Variants in TMEM184B observed in about 807,000 individuals in gnomAD.
The protein encoded by TMEM184B is transmembrane protein 184B, also known as putative MAPK-activating protein FM08.
Under a neutral mutation model 41.8 loss-of-function variants are expected in TMEM184B, and 17 were observed. The observed-to-expected ratio is 0.41, with a 90% confidence interval of 0.28 to 0.61. The LOEUF is 0.61. Ranked by LOEUF, TMEM184B falls within the 20% of genes least tolerant of loss-of-function variation. TMEM184B has a pLI of 0.34. For missense variants in TMEM184B, 393 were observed against 557.8 expected (o/e 0.70, Z 2.98); for synonymous variants, 240 against 229.5 (o/e 1.05, Z -0.41).
intron 5 of TMEM184B, among the ~76,000 whole-genome samples, chr22:38,229,663 A>G (rs2091556238): frequency 7.6e-6 from 1 of 131,710 alleles, no homozygotes; most frequent in Non-Finnish European, 1.6e-5. Flanking sequence ...AGGAAGCTAG[A>G]GTGGCTGGAT....
In TMEM184B at chr22:38,242,296, C is replaced by T. The variant is rs914885030; in HGVS notation, c.358+3639G>A. Among the ~76,000 whole-genome samples the T allele has an allele frequency of 2.9e-4, 44 of 149,760 alleles. No individual in the cohort carries two copies. The East Asian group carries it at 6.9e-3, about 23-fold the overall frequency. ...CAGCCTAGGCAACACGGTGAAACCC[C>T]GTCTCTACTAAAATACAAAAAAAAA... On this transcript the variant is annotated intron_variant, in intron 3 of 8. Coordinates refer to ENST00000361906, the MANE Select transcript of TMEM184B (RefSeq NM_012264.5).
At chr22:38,262,498 G>A (rs949063465) in intron 1 of TMEM184B, among the ~76,000 whole-genome samples, 7 of 152,222 alleles carry the variant, frequency 4.6e-5, no homozygotes, top group Non-Finnish European at 8.8e-5. Context: ...GACAGAGGAA[G>A]GGGTGACAGG....
At chr22:38,227,478 C>T (rs1018305072) in intron 5 of TMEM184B, among the ~76,000 whole-genome samples, 4 of 152,126 alleles carry the variant, frequency 2.6e-5, no homozygotes, top group African/African-American at 7.2e-5. Flanking sequence ...GGGAAGCCGG[C>T]GCAGGTGAGG....
intron 2 of TMEM184B, chr22:38,247,020 G>T: frequency 2.4e-6 from 1 of 422,288 alleles, no homozygotes; most frequent in Non-Finnish European, 4.2e-6. Context: ...GACTCACCCT[G>T]CCCCTCTCCA....
At chr22:38,268,317 G>C in intron 1 of TMEM184B, among the ~76,000 whole-genome samples, 1 of 151,298 alleles carries the variant, frequency 6.6e-6, no homozygotes, top group East Asian at 1.9e-4. Flanking sequence ...GGAGGTTGCA[G>C]TGAGCCGAGA....
chr22:38,233,183 G>A (rs899997232), intron 3 of TMEM184B, among the ~76,000 whole-genome samples: 2 of 152,262 alleles, frequency 1.3e-5, no homozygotes, highest in African/African-American at 2.4e-5. Context: ...TGCTACTCAC[G>A]GTTGCCCTAA....
At chr22:38,233,341 C>G (rs2091685009) in intron 3 of TMEM184B, among the ~76,000 whole-genome samples, 1 of 152,182 alleles carries the variant, frequency 6.6e-6, no homozygotes, top group African/African-American at 2.4e-5. Flanking sequence ...TCAGTTTCCT[C>G]ATCTATCAAA....
In TMEM184B at chr22:38,239,118, C is replaced by A. The variant is rs2091849435; in HGVS notation, c.358+6817G>T. ...CAGAGTTGTCTTTATGGCCCACCCCCAACCCCACAATCAAACACTGAATGC... is the reference window on the plus strand; with the variant it reads ...CAGAGTTGTCTTTATGGCCCACCCCAAACCCCACAATCAAACACTGAATGC... On this transcript the variant is annotated intron_variant, in intron 3 of 8. Coordinates refer to ENST00000361906, the MANE Select transcript of TMEM184B (RefSeq NM_012264.5). The surrounding 1 kb of genome is among the most constrained non-coding windows in gnomAD (Gnocchi z 4.6). 6.6e-6 allele frequency among the ~76,000 whole-genome samples: 1 copy of A among 152,208 alleles called. No individual in the cohort carries two copies. The highest frequency in any genetic ancestry group is 2.4e-5 in the African/African-American group (1 of 41,444).
In TMEM184B at chr22:38,245,414, C is replaced by G. The variant is rs2092002282; in HGVS notation, c.358+521G>C. On this transcript the variant is annotated intron_variant, in intron 3 of 8. Transcript: ENST00000361906. ...GACGCCAGCATTGAGAAGCGAGACC[C>G]AGGGGGAGGGCCCTTGCTTCCAGGT... Among the ~76,000 whole-genome samples the G allele has an allele frequency of 2.1e-5, 3 of 143,826 alleles. No individual in the cohort carries two copies. The South Asian group carries it at 6.6e-4, about 32-fold the overall frequency. 94.4% of individuals were successfully genotyped at this position (143,826 alleles called of 152,430 possible). A position where few individuals can be genotyped will look rare whatever the true frequency, so the allele number is the denominator to read the frequency against.
In TMEM184B at chr22:38,266,214, G is replaced by A. The variant is rs537504387; in HGVS notation, c.-59+6670C>T. Among the ~76,000 whole-genome samples, 245 of 152,342 alleles carry A rather than the reference G, an allele frequency of 1.6e-3. 1 individual carries two copies. The highest frequency in any genetic ancestry group is 5.5e-3 in the African/African-American group (230 of 41,572). On this transcript the variant is annotated intron_variant, in intron 1 of 8. Coordinates refer to ENST00000361906, the MANE Select transcript of TMEM184B (RefSeq NM_012264.5). Reference sequence around the variant, plus strand: ...AGAGAGGAGGCTGGAGTCTTCAGGAGATCACCAAGCATTTTAAGTTGGAAA... The same window carrying A: ...AGAGAGGAGGCTGGAGTCTTCAGGAAATCACCAAGCATTTTAAGTTGGAAA...
intron 3 of TMEM184B, among the ~76,000 whole-genome samples, chr22:38,237,094 C>G (rs949122162): frequency 1.3e-5 from 2 of 152,168 alleles, no homozygotes; most frequent in African/African-American, 4.8e-5. Context: ...TGCTCCCCAC[C>G]CAGCCTCTCA....
rs2091777445 is a variant in TMEM184B, at chr22:38,236,516, C to G, written c.359-5182G>C. On this transcript the variant is annotated intron_variant, in intron 3 of 8. Coordinates refer to ENST00000361906, the MANE Select transcript of TMEM184B (RefSeq NM_012264.5). The stretch of plus-strand genomic sequence containing the variant: ...TTTTTTTTCTTGATGCAGGATCTCA[C>G]TCTGTTGCCCAGGCTGGAGCACACA... Among the ~76,000 whole-genome samples the G allele has an allele frequency of 2.6e-5, 4 of 151,980 alleles. No individual in the cohort carries two copies. In the South Asian group the frequency reaches 8.3e-4, roughly 32 times the overall value.
In TMEM184B at chr22:38,221,331, TGTG is replaced by T. The variant is rs2091253190; in HGVS notation, c.*135_*137del. 6.9e-7 allele frequency: 1 copy of T among 1,447,410 alleles called. No homozygotes were observed. Among genetic ancestry groups the T allele is most frequent in the African/African-American group, 1.4e-5 (1 of 70,294 alleles). The allele number at this position is 1,447,410 out of a possible 1,614,324, so 89.7% of individuals were successfully genotyped here. On this transcript the variant is annotated 3_prime_UTR_variant, in exon 9 of 9. Transcript: ENST00000361906. ...GTCCCCCGTTCCTCTGGAAGTGACA[TGTG>T]AGTGTTTCTGGTCCAATAAATAAAG...
Position 38,246,065 on chromosome 22 carries a change from G to A in TMEM184B, c.228C>T (p.Asn76=), listed in dbSNP as rs372497524. ...GGATGCGCACGATGTAGCGCTGCTC[G>A]TTGGGGCAGCTGTAGCAGCGCAGGT... is the stretch of plus-strand genomic sequence containing the variant. The part of the protein sequence containing the change: ...YMHLRCYSCP[N]EQRYIVRILF... Residue 76 remains asparagine, a synonymous_variant, in exon 3 of 9, where the codon AAC becomes AAT. Transcript: ENST00000361906. The A allele has an allele frequency of 1.4e-5, 23 of 1,612,808 alleles. No homozygotes were observed. The South Asian group carries it at 1.5e-4, about 11-fold the overall frequency.
At position 38,220,873 on chromosome 22, in the gene TMEM184B, C is replaced by T. The variant is rs1273472136; in HGVS notation, c.*596G>A. The T allele has an allele frequency of 3.0e-6, 3 of 986,006 alleles. No homozygotes were observed. The highest frequency in any genetic ancestry group is 3.6e-6 in the Non-Finnish European group (3 of 830,132). 61.1% of individuals were successfully genotyped at this position (986,006 alleles called of 1,614,324 possible). A position where few individuals can be genotyped will look rare whatever the true frequency, so the allele number is the denominator to read the frequency against. On this transcript the variant is annotated 3_prime_UTR_variant, in exon 9 of 9. Coordinates refer to ENST00000361906, the MANE Select transcript of TMEM184B (RefSeq NM_012264.5). ...CCCTGAATGCCCTTCCTGGGTGGGG[C>T]CTGTGACTCCTGGTGTCTGGCTCTG...
rs78690286 is a variant in TMEM184B at position 38,235,389 on chromosome 22, G to C, written c.359-4055C>G. Among the ~76,000 whole-genome samples the C allele has an allele frequency of 3.2e-3, 480 of 152,328 alleles. 2 individuals are homozygous for C. The highest frequency in any genetic ancestry group is 0.011 in the African/African-American group (461 of 41,578). ...CAAGAAAGGCTTGGCATCTGGGCTC[G>C]TGTCCTTTCCTGCATCAAAACACAT... is the stretch of plus-strand genomic sequence containing the variant. On this transcript the variant is annotated intron_variant, in intron 3 of 8. Transcript: ENST00000361906.
intron 1 of TMEM184B, among the ~76,000 whole-genome samples, chr22:38,253,096 C>T (rs1292478365): frequency 6.6e-6 from 1 of 152,014 alleles, no homozygotes; most frequent in African/African-American, 2.4e-5. Flanking sequence ...GAGCCGAGAT[C>T]GCGCCACTGC....
At chr22:38,268,764 G>A (rs1296487328) in intron 1 of TMEM184B, among the ~76,000 whole-genome samples, 1 of 152,210 alleles carries the variant, frequency 6.6e-6, no homozygotes, top group Admixed American at 6.5e-5. Context: ...AGGCGACAAT[G>A]GCCTAAGGTT....
Position 38,226,832 on chromosome 22 carries a change from C to T in TMEM184B, c.564G>A (p.Ala188=), listed in dbSNP as rs200762274. The T allele has an allele frequency of 9.7e-5, 156 of 1,604,970 alleles. 1 individual carries two copies. The highest frequency in any genetic ancestry group is 1.6e-4 in the Middle Eastern group (1 of 6,070). Residue 188 remains alanine, a synonymous_variant, in exon 6 of 9, where the codon GCG becomes GCA. Transcript: ENST00000361906. The surrounding 1 kb of genome is among the most constrained non-coding windows in gnomAD (Gnocchi z 4.6). ...LQFCVVKPLM[A]VSTVVLQAFG... The stretch of plus-strand genomic sequence containing the variant: ...AGGCCTGGAGGACCACAGTGCTGAC[C>T]GCCATGAGTGGCTTCACCACACAGA...
Sources: allele counts gnomAD v4.1 joint callset (sites outside exome capture counted in the v4.1 genomes callset), GRCh38; gene constraint gnomAD v4.1.1; non-coding constraint Gnocchi (gnomAD v3.1); transcripts MANE v1.5; gene names NCBI Gene and HGNC (gene_info 2026-07-23, HGNC 2026-07-21).